The following DSCAML1 variants were observed in gnomAD, a reference collection of about 807,000 sequenced individuals.
The protein encoded by DSCAML1 is cell adhesion molecule DSCAML1.
DSCAML1 carries 38 observed loss-of-function variants against 200.5 expected under a neutral mutation model. The ratio of observed to expected loss-of-function variants is 0.19; its 90% confidence interval spans 0.15 to 0.25. The LOEUF (loss-of-function observed/expected upper bound fraction) is 0.25, where lower values mean the gene tolerates loss of function less well. DSCAML1 is among the 10% of genes least tolerant of loss of function. The pLI is 1.00. For missense variants in DSCAML1, 2,223 were observed against 2,858.8 expected, an observed-to-expected ratio of 0.78 and a Z score of 5.07; for synonymous variants, 1,215 against 1,165.0, an observed-to-expected ratio of 1.04 and a Z score of -0.87.
At chr11:117,731,909 AGGTGTCTCAGCATG>A (rs1467105816) in intron 3 of DSCAML1, among the ~76,000 whole-genome samples, 1 of 152,338 alleles carries the variant, frequency 6.6e-6, no homozygotes, top group South Asian at 2.1e-4. Context: ...AAAAAGCAGC[AGGTGTCTCAGCATG>A]GGTGTCTCAG....
chr11:117,695,573 A>G (rs2053576192), intron 3 of DSCAML1, among the ~76,000 whole-genome samples: 1 of 152,130 alleles, frequency 6.6e-6, no homozygotes, highest in Non-Finnish European at 1.5e-5. Context: ...AGAGCTCACT[A>G]AGACAACCTG....
chr11:117,585,239 G>A (rs1388967265), intron 3 of DSCAML1, among the ~76,000 whole-genome samples: 4 of 152,006 alleles, frequency 2.6e-5, no homozygotes, highest in South Asian at 4.2e-4. Context: ...GGATTTGGGG[G>A]GTTTTCTGCT....
chr11:117,694,650 T>C (rs552436059), intron 3 of DSCAML1, among the ~76,000 whole-genome samples: 49 of 152,274 alleles, frequency 3.2e-4, no homozygotes, highest in African/African-American at 1.0e-3. Flanking sequence ...CAAGGAGGTG[T>C]ACACTTAAAC....
chr11:117,635,808 T>C (rs1289950315), intron 3 of DSCAML1, among the ~76,000 whole-genome samples: 1 of 151,988 alleles, frequency 6.6e-6, no homozygotes, highest in Non-Finnish European at 1.5e-5. Flanking sequence ...TGTAGTGAAG[T>C]CATAACGCTG....
intron 3 of DSCAML1, among the ~76,000 whole-genome samples, chr11:117,637,985 A>AC (rs1407771091): frequency 6.6e-6 from 1 of 152,016 alleles, no homozygotes; most frequent in Non-Finnish European, 1.5e-5. Flanking sequence ...TGGTGAGGGG[A>AC]CCCCACTCCT....
At chr11:117,487,327 C>A (rs2049095304) in intron 11 of DSCAML1, among the ~76,000 whole-genome samples, 1 of 151,948 alleles carries the variant, frequency 6.6e-6, no homozygotes, top group South Asian at 2.1e-4. Flanking sequence ...TTTTTTTGAA[C>A]ATGTGACAGA....
chr11:117,463,364 C>CT lies in DSCAML1; in HGVS notation c.3265+1577dup, dbSNP rs540060838. Among the ~76,000 whole-genome samples the CT allele has an allele frequency of 0.026, 3,726 of 141,400 alleles. 45 individuals are homozygous for CT. The highest frequency in any genetic ancestry group is 0.032 in the African/African-American group (1,249 of 38,660). The allele number at this position is 141,400 out of a possible 152,430, so 92.8% of individuals were successfully genotyped here. Reference sequence around the variant, plus strand: ...GGGAACTTATTAGAAATAATACATCCTTTTTTTTTTTTTTTTAGAGATGGG... The same window carrying CT: ...GGGAACTTATTAGAAATAATACATCCTTTTTTTTTTTTTTTTTAGAGATGGG... On this transcript the variant is annotated intron_variant, in intron 17 of 32. Transcript: ENST00000651296. The surrounding 1 kb of genome is among the most constrained non-coding windows in gnomAD (Gnocchi z 4.0).
At chr11:117,544,385 C>T (rs977354721) in intron 3 of DSCAML1, among the ~76,000 whole-genome samples, 8 of 152,214 alleles carry the variant, frequency 5.3e-5, no homozygotes, top group African/African-American at 1.9e-4. Flanking sequence ...GCTGTCCTTT[C>T]CTCCCAAGCT....
At chr11:117,732,357 G>T (rs1273787998) in intron 3 of DSCAML1, among the ~76,000 whole-genome samples, 1 of 152,202 alleles carries the variant, frequency 6.6e-6, no homozygotes, top group African/African-American at 2.4e-5. Flanking sequence ...CCCAGACCTA[G>T]GTCTTCCTGG....
chr11:117,755,211 A>G (rs1174632472), intron 3 of DSCAML1, among the ~76,000 whole-genome samples: 1 of 152,166 alleles, frequency 6.6e-6, no homozygotes, highest in Non-Finnish European at 1.5e-5. Context: ...AGATTTGTCC[A>G]GGACTTGCAA....
At chr11:117,470,626 T>C (rs2048667307) in intron 15 of DSCAML1, among the ~76,000 whole-genome samples, 1 of 152,220 alleles carries the variant, frequency 6.6e-6, no homozygotes, top group South Asian at 2.1e-4. Context: ...TCTGTAATTC[T>C]ACAACTGCTT....
intron 17 of DSCAML1, 96 bp from the exon 18 acceptor site, chr11:117,461,692 C>T: frequency 8.0e-7 from 1 of 1,245,164 alleles, no homozygotes; most frequent in Non-Finnish European, 1.1e-6. Context: ...GCAGTCCAAC[C>T]AGAGGAGCGT....
chr11:117,462,252 GA>G (rs750666648), intron 17 of DSCAML1, among the ~76,000 whole-genome samples: 43 of 152,214 alleles, frequency 2.8e-4, no homozygotes, highest in Non-Finnish European at 5.7e-4. Context: ...GGTGTGATGG[GA>G]AAACCCTCTC....
At chr11:117,468,127 CCA>C (rs1473890978) in intron 16 of DSCAML1, among the ~76,000 whole-genome samples, 1 of 152,144 alleles carries the variant, frequency 6.6e-6, no homozygotes, top group Non-Finnish European at 1.5e-5. Context: ...CTCCAAACAG[CCA>C]CAGTCAGGAT....
intron 1 of DSCAML1, among the ~76,000 whole-genome samples, chr11:117,810,882 C>T (rs1290858947): frequency 1.3e-5 from 2 of 152,132 alleles, no homozygotes; most frequent in Admixed American, 6.5e-5. Flanking sequence ...CTTTCCCTCC[C>T]GCCTGTCCCC....
chr11:117,607,178 A>T (rs2051584885), intron 3 of DSCAML1, among the ~76,000 whole-genome samples: 1 of 152,156 alleles, frequency 6.6e-6, no homozygotes, highest in Non-Finnish European at 1.5e-5. Flanking sequence ...CAGCGGTGGT[A>T]AGTCCCTGTG....
rs550728250 is a variant in DSCAML1, at chr11:117,666,413, T to A, written c.511+110378A>T. The stretch of plus-strand genomic sequence containing the variant: ...GTCTAATAGTCAGACGCCTACATTA[T>A]AACAGAGTACCCCTAGGACTTCAGG... On this transcript the variant is annotated intron_variant, in intron 3 of 32. Coordinates refer to ENST00000651296, the MANE Select transcript of DSCAML1 (RefSeq NM_020693.4). Among the ~76,000 whole-genome samples, 9 of 152,326 alleles carry A rather than the reference T, an allele frequency of 5.9e-5. No individual in the cohort carries two copies. In the South Asian group the frequency reaches 1.9e-3, roughly 32 times the overall value.
chr11:117,761,748 G>A (rs61903856), intron 3 of DSCAML1, among the ~76,000 whole-genome samples: 4,625 of 152,238 alleles, frequency 0.03, 110 homozygotes, highest in Middle Eastern at 0.051. Flanking sequence ...GCGTGTGCCT[G>A]TAGTCCCAGC....
At chr11:117,481,116 C>T (rs1407255895) in intron 13 of DSCAML1, 58 bp downstream of exon 13, 16 of 1,512,356 alleles carry the variant, frequency 1.1e-5, no homozygotes, top group South Asian at 2.3e-5. Context: ...GTGGAGTTAG[C>T]GGTGGGCCCC....
Sources: allele counts gnomAD v4.1 joint callset (sites outside exome capture counted in the v4.1 genomes callset), GRCh38; gene constraint gnomAD v4.1.1; non-coding constraint Gnocchi (gnomAD v3.1); transcripts MANE v1.5; gene names NCBI Gene and HGNC (gene_info 2026-07-23, HGNC 2026-07-21).